The following PAPPA variants were observed in gnomAD, a reference collection of about 807,000 sequenced individuals.
PAPPA encodes pappalysin 1, also known as pappalysin-1.
Under a neutral mutation model 164.0 loss-of-function variants are expected in PAPPA, and 60 were observed. That is an observed-to-expected ratio of 0.37 (90% CI 0.30 to 0.45). PAPPA has a LOEUF of 0.45. Among genes scored for constraint, PAPPA ranks in the 20% least tolerant of loss-of-function variants. PAPPA has a pLI of 1.00. For synonymous variants in PAPPA, 875 were observed against 814.1 expected, an observed-to-expected ratio of 1.07 and a Z score of -1.27; for missense variants, 1,782 against 2,087.3, an observed-to-expected ratio of 0.85 and a Z score of 2.85.
chr9:116,182,629 T>G (rs549735488), intron 1 of PAPPA, among the ~76,000 whole-genome samples: 15 of 152,322 alleles, frequency 9.8e-5, no homozygotes, highest in Middle Eastern at 6.8e-3. Flanking sequence ...TCTGAGAGAC[T>G]CTTTCCATGC....
chr9:116,333,666 G>C (rs1846022180), intron 12 of PAPPA, among the ~76,000 whole-genome samples: 1 of 152,212 alleles, frequency 6.6e-6, no homozygotes, highest in Non-Finnish European at 1.5e-5. Flanking sequence ...ATAAGGAAGA[G>C]AAAGAAAACC....
rs369617632 is a variant in PAPPA at position 116,187,851 on chromosome 9, G to T, written c.1113G>T (p.Thr371=). The change falls in exon 2 of 22, where the codon ACG becomes ACT. Residue 371 remains threonine (T), a synonymous_variant. Transcript: ENST00000328252. The surrounding 1 kb of genome is among the most constrained non-coding windows in gnomAD (Gnocchi z 4.2). The part of the protein sequence containing the change: ...YEDDHKNPTV[T]REQVDFQHHQ... Reference sequence around the variant, plus strand: ...ATGATCATAAGAACCCGACGGTGACGCGCGAGCAGGTGGACTTCCAGCACC... The same window carrying T: ...ATGATCATAAGAACCCGACGGTGACTCGCGAGCAGGTGGACTTCCAGCACC... 6.2e-7 allele frequency: 1 copy of T among 1,614,180 alleles called. No individual in the cohort carries two copies. The highest frequency in any genetic ancestry group is 2.2e-5 in the East Asian group (1 of 44,886).
chr9:116,161,935 G>C (rs1010418913), intron 1 of PAPPA, among the ~76,000 whole-genome samples: 1 of 152,108 alleles, frequency 6.6e-6, no homozygotes, highest in Non-Finnish European at 1.5e-5. Flanking sequence ...TGACCTGAAA[G>C]GTTTGCAAAT....
intron 1 of PAPPA, among the ~76,000 whole-genome samples, chr9:116,181,669 T>C (rs180833776): frequency 1.2e-3 from 179 of 152,024 alleles, no homozygotes; most frequent in African/African-American, 4.2e-3. Flanking sequence ...GGAAGAAAAA[T>C]CAGTATCGAC....
chr9:116,362,080 G>T (rs149861509), intron 17 of PAPPA, among the ~76,000 whole-genome samples: 24 of 148,162 alleles, frequency 1.6e-4, no homozygotes, highest in African/African-American at 5.1e-4. Flanking sequence ...AAAAGGAAAA[G>T]AAATGTCTTG....
rs1421380364 is a variant in PAPPA at position 116,154,385 on chromosome 9, C to G, written c.213C>G (p.Ala71=). 9 of 1,089,924 alleles carry G rather than the reference C, an allele frequency of 8.3e-6. No individual in the cohort carries two copies. In the Admixed American group the frequency reaches 2.6e-4, roughly 32 times the overall value. The allele number at this position is 1,089,924 out of a possible 1,614,324, so 67.5% of individuals were successfully genotyped here. The change falls in exon 1 of 22, where the codon GCC becomes GCG. Residue 71 remains alanine, a synonymous_variant. Transcript: ENST00000328252. This position sits in a 1 kb window ranked among gnomAD's most constrained non-coding sequence, Gnocchi z 5.2. The part of the protein sequence containing the change: ...PPPPPGGAWE[A]VRVPRRRQQR... ...CGCCGCCGGGCGGTGCCTGGGAAGC[C>G]GTGCGCGTCCCCCGGCGGCGGCAGC...
chr9:116,332,661 G>A (rs552202223), intron 12 of PAPPA, 193 bp downstream of exon 12: 2 of 527,610 alleles, frequency 3.8e-6, no homozygotes, highest in African/African-American at 3.8e-5. Context: ...AGATCTGGCA[G>A]ATACAGGGAT....
At position 116,401,573 on chromosome 9, in the gene PAPPA, T is replaced by C. The variant is rs1847056129; in HGVS notation, c.*4957T>C. ...TTACATATATATGCACATGTATATA[T>C]AGTTGTACATATATGTGTGTATATA... On this transcript the variant is annotated 3_prime_UTR_variant, in exon 22 of 22. Transcript: ENST00000328252. 1 of 151,108 alleles carries C rather than the reference T, an allele frequency of 6.6e-6. No homozygotes were observed. The highest frequency in any genetic ancestry group is 1.5e-5 in the Non-Finnish European group (1 of 67,766). The allele number at this position is 151,108 out of a possible 1,614,324, so 9.4% of individuals were successfully genotyped here.
intron 13 of PAPPA, among the ~76,000 whole-genome samples, chr9:116,341,021 ATTTTTTTGT>A (rs1564232989): frequency 2.0e-5 from 3 of 150,024 alleles, no homozygotes; most frequent in Non-Finnish European, 4.4e-5. Flanking sequence ...TTTTATTTTT[ATTTTTTTGT>A]TTTATTTATT....
At chr9:116,279,530 G>A (rs566394252) in intron 9 of PAPPA, among the ~76,000 whole-genome samples, 5 of 152,130 alleles carry the variant, frequency 3.3e-5, no homozygotes, top group South Asian at 2.1e-4. Context: ...ATTCTAGCCC[G>A]CAGCCCAGGT....
In PAPPA at chr9:116,271,199, T is replaced by C. The variant is rs1187414783; in HGVS notation, c.2862-126T>C. 1 of 667,666 alleles carries C rather than the reference T, an allele frequency of 1.5e-6. No homozygotes were observed. The highest frequency in any genetic ancestry group is 2.7e-6 in the Non-Finnish European group (1 of 370,112). The allele number at this position is 667,666 out of a possible 1,614,324, so 41.4% of individuals were successfully genotyped here. The stretch of plus-strand genomic sequence containing the variant: ...ATTTTGAAGATGAAGAAGCAGAGAC[T>C]CAGACAGAGAAAGGGATTTGTGCAA... On this transcript the variant is annotated intron_variant, in intron 8 of 21. Transcript: ENST00000328252. This position sits in a 1 kb window ranked among gnomAD's most constrained non-coding sequence, Gnocchi z 4.2.
At chr9:116,239,012 G>T (rs904393698) in intron 7 of PAPPA, among the ~76,000 whole-genome samples, 1 of 152,182 alleles carries the variant, frequency 6.6e-6, no homozygotes, top group African/African-American at 2.4e-5. Context: ...TGGAGAAAAA[G>T]AGGAGAGGGA....
chr9:116,324,105 G>A (rs1845893034), intron 10 of PAPPA, among the ~76,000 whole-genome samples: 1 of 152,150 alleles, frequency 6.6e-6, no homozygotes, highest in African/African-American at 2.4e-5. Flanking sequence ...TTAAGACCCC[G>A]CTAGCACAAA....
intron 7 of PAPPA, among the ~76,000 whole-genome samples, chr9:116,254,483 G>A (rs545442620): frequency 2.8e-4 from 43 of 152,176 alleles, no homozygotes; most frequent in Non-Finnish European, 5.7e-4. Flanking sequence ...GTGTTTACAC[G>A]TAGAAAGATA....
At chr9:116,364,326 A>G (rs1846470668) in intron 18 of PAPPA, among the ~76,000 whole-genome samples, 1 of 152,214 alleles carries the variant, frequency 6.6e-6, no homozygotes, top group South Asian at 2.1e-4. Flanking sequence ...GGGAAAACCT[A>G]CAGAAACAAA....
chr9:116,238,847 T>C (rs1489724460), intron 7 of PAPPA, among the ~76,000 whole-genome samples: 1 of 152,154 alleles, frequency 6.6e-6, no homozygotes, highest in African/African-American at 2.4e-5. Flanking sequence ...CAACCTACCA[T>C]TTCAACTCCT....
intron 5 of PAPPA, among the ~76,000 whole-genome samples, chr9:116,223,709 C>T (rs1014783401): frequency 1.3e-5 from 2 of 152,152 alleles, no homozygotes; most frequent in South Asian, 2.1e-4. Flanking sequence ...CTGTCTTTAA[C>T]GTATATCACT....
chr9:116,349,116 A>T (rs752820926), intron 15 of PAPPA, among the ~76,000 whole-genome samples: 32 of 151,748 alleles, frequency 2.1e-4, no homozygotes, highest in Non-Finnish European at 4.1e-4. Context: ...TCTACCCCTT[A>T]CCAAGTCTAC....
rs551550998 is a variant in PAPPA at position 116,277,947 on chromosome 9, C to T, written c.2953+6531C>T. Among the ~76,000 whole-genome samples the T allele has an allele frequency of 2.0e-3, 309 of 151,990 alleles. 2 individuals carry two copies. The highest frequency in any genetic ancestry group is 7.0e-3 in the African/African-American group (287 of 41,272). ...CCTCCCAAAGTGCTGGGATTACAGG[C>T]GTGAGCCACCGTGCCTGACTGAATA... is the stretch of plus-strand genomic sequence containing the variant. On this transcript the variant is annotated intron_variant, in intron 9 of 21. Transcript: ENST00000328252.
Sources: allele counts gnomAD v4.1 joint callset (sites outside exome capture counted in the v4.1 genomes callset), GRCh38; gene constraint gnomAD v4.1.1; non-coding constraint Gnocchi (gnomAD v3.1); transcripts MANE v1.5; gene names NCBI Gene and HGNC (gene_info 2026-07-23, HGNC 2026-07-21).